ROBO2: variants seen among roughly 807,000 people sequenced by gnomAD.
The protein encoded by ROBO2 is roundabout homolog 2.
Under a neutral mutation model 160.8 loss-of-function variants are expected in ROBO2, and 53 were observed. That is an observed-to-expected ratio of 0.33 (90% CI 0.26 to 0.41). ROBO2 has a LOEUF of 0.41. Among genes scored for constraint, ROBO2 ranks in the 10% least tolerant of loss-of-function variants. The pLI, the probability that ROBO2 is intolerant of heterozygous loss-of-function variation, is 1.00. For missense variants in ROBO2, 1,577 were observed against 1,722.4 expected, an observed-to-expected ratio of 0.92 and a Z score of 1.49; for synonymous variants, 664 against 611.7, an observed-to-expected ratio of 1.09 and a Z score of -1.26.
chr3:76,552,414 T>C (rs902024538), intron 2 of ROBO2, among the ~76,000 whole-genome samples: 1 of 152,208 alleles, frequency 6.6e-6, no homozygotes, highest in Non-Finnish European at 1.5e-5. Context: ...ACAATACACA[T>C]GGAATAATTC....
At chr3:77,316,181 T>A (rs2063966524) in intron 2 of ROBO2, among the ~76,000 whole-genome samples, 1 of 152,090 alleles carries the variant, frequency 6.6e-6, no homozygotes. Context: ...AAGGAATAAG[T>A]CCTGAATTAT....
At chr3:76,742,986 G>C (rs1355968324) in intron 2 of ROBO2, among the ~76,000 whole-genome samples, 1 of 151,994 alleles carries the variant, frequency 6.6e-6, no homozygotes, top group Non-Finnish European at 1.5e-5. Context: ...CTTTCAATTG[G>C]CATGGTCTTT....
intron 2 of ROBO2, among the ~76,000 whole-genome samples, chr3:76,261,704 T>A (rs1018074033): frequency 6.6e-6 from 1 of 152,116 alleles, no homozygotes; most frequent in Non-Finnish European, 1.5e-5. Context: ...CCTCTCCTCA[T>A]CGTAGAAAAA....
chr3:76,667,903 A>G (rs1210700475), intron 2 of ROBO2, among the ~76,000 whole-genome samples: 1 of 152,202 alleles, frequency 6.6e-6, no homozygotes, highest in African/African-American at 2.4e-5. Flanking sequence ...ACTACTGAAT[A>G]AAGCACAGTA....
chr3:76,956,142 G>A (rs1256485481), intron 2 of ROBO2, among the ~76,000 whole-genome samples: 2 of 152,124 alleles, frequency 1.3e-5, no homozygotes, highest in Non-Finnish European at 2.9e-5. Flanking sequence ...TTTGTGAACT[G>A]CTTCTTCCCT....
intron 2 of ROBO2, among the ~76,000 whole-genome samples, chr3:77,154,927 A>T (rs571202922): frequency 6.6e-6 from 1 of 152,072 alleles, no homozygotes; most frequent in South Asian, 2.1e-4. Flanking sequence ...TAGACTCAGT[A>T]CCTGAGTGAT....
intron 2 of ROBO2, among the ~76,000 whole-genome samples, chr3:77,318,441 G>A (rs2064303653): frequency 6.6e-6 from 1 of 152,080 alleles, no homozygotes; most frequent in African/African-American, 2.4e-5. Context: ...TCTGCTGCAG[G>A]GAACTGTTTT....
chr3:76,087,450 G>A (rs2069058493), intron 2 of ROBO2, among the ~76,000 whole-genome samples: 1 of 151,798 alleles, frequency 6.6e-6, no homozygotes, highest in Non-Finnish European at 1.5e-5. Flanking sequence ...GAAAGAGAAA[G>A]AAAGACATTC....
chr3:77,228,634 T>C (rs1159164622), intron 2 of ROBO2, among the ~76,000 whole-genome samples: 1 of 152,054 alleles, frequency 6.6e-6, no homozygotes, highest in Non-Finnish European at 1.5e-5. Flanking sequence ...AAATACCTAA[T>C]GTAGATGACC....
At chr3:76,613,703 G>C (rs1302287206) in intron 2 of ROBO2, among the ~76,000 whole-genome samples, 1 of 151,850 alleles carries the variant, frequency 6.6e-6, no homozygotes, top group African/African-American at 2.4e-5. Flanking sequence ...TAAAGATAAA[G>C]TGACTAATTT....
chr3:77,126,726 G>GA (rs2075350196), intron 2 of ROBO2, among the ~76,000 whole-genome samples: 1 of 143,942 alleles, frequency 6.9e-6, no homozygotes, highest in Admixed American at 6.9e-5. Context: ...TTTTTCCTTT[G>GA]AAAGATGGTG....
At chr3:77,212,966 A>T (rs1039024473) in intron 2 of ROBO2, among the ~76,000 whole-genome samples, 2 of 151,944 alleles carry the variant, frequency 1.3e-5, no homozygotes, top group Non-Finnish European at 2.9e-5. Flanking sequence ...GTGCTGCTGG[A>T]TTCAGTTGGC....
chr3:77,017,255 T>C (rs1016012445), intron 2 of ROBO2, among the ~76,000 whole-genome samples: 5 of 152,234 alleles, frequency 3.3e-5, no homozygotes, highest in Non-Finnish European at 5.9e-5. Flanking sequence ...TCTTTGGGTC[T>C]GTGACCTTTC....
At chr3:76,081,596 A>G (rs543418434) in intron 2 of ROBO2, among the ~76,000 whole-genome samples, 3 of 152,218 alleles carry the variant, frequency 2.0e-5, no homozygotes, top group Non-Finnish European at 2.9e-5. Flanking sequence ...AACACTTTAG[A>G]TATGTTTCAC....
intron 2 of ROBO2, among the ~76,000 whole-genome samples, chr3:77,256,718 G>A (rs914902211): frequency 2.6e-5 from 4 of 152,154 alleles, no homozygotes; most frequent in African/African-American, 7.2e-5. Context: ...AGGCTTCTGC[G>A]AAGAGCAGAG....
At chr3:76,714,115 A>G (rs1301919009) in intron 2 of ROBO2, among the ~76,000 whole-genome samples, 1 of 152,186 alleles carries the variant, frequency 6.6e-6, no homozygotes, top group Non-Finnish European at 1.5e-5. Flanking sequence ...TTTGTTTGAT[A>G]GTATGAAACA....
intron 2 of ROBO2, among the ~76,000 whole-genome samples, chr3:76,275,472 C>T (rs1707865719): frequency 6.6e-6 from 1 of 152,062 alleles, no homozygotes; most frequent in Non-Finnish European, 1.5e-5. Flanking sequence ...GTGACAAAGA[C>T]CTCGGTCTTT....
intron 2 of ROBO2, among the ~76,000 whole-genome samples, chr3:76,488,096 C>T (rs1262925646): frequency 6.6e-6 from 1 of 152,158 alleles, no homozygotes; most frequent in East Asian, 1.9e-4. Flanking sequence ...AACTTAGGTC[C>T]TTTCTGCCTC....
chr3:76,089,481 C>G (rs2069141387), intron 2 of ROBO2, among the ~76,000 whole-genome samples: 2 of 151,956 alleles, frequency 1.3e-5, no homozygotes, highest in African/African-American at 4.8e-5. Flanking sequence ...GAATTATACA[C>G]CACAACCAAA....
Sources: gnomAD v4.1 joint callset for allele counts (sites outside exome capture counted in the v4.1 genomes callset) on GRCh38, gnomAD v4.1.1 for gene constraint, MANE v1.5 for transcripts, NCBI Gene and HGNC (gene_info 2026-07-23, HGNC 2026-07-21) for gene names.